CCSER2: variants seen among roughly 807,000 people sequenced by gnomAD.
The protein encoded by CCSER2 is serine-rich coiled-coil domain-containing protein 2.
In CCSER2, 46 loss-of-function variants were observed where a neutral mutation model predicts 92.3. That is an observed-to-expected ratio of 0.50 (90% CI 0.39 to 0.64). CCSER2 has a LOEUF of 0.64. CCSER2 is among the 30% of genes least tolerant of loss of function. CCSER2 has a pLI of 0.00. For missense variants in CCSER2, 1,244 were observed against 1,238.9 expected (o/e 1.00, Z -0.06); for synonymous variants, 433 against 431.4 (o/e 1.00, Z -0.04).
intron 8 of CCSER2, among the ~76,000 whole-genome samples, chr10:84,476,706 G>A (rs1296791879): frequency 1.3e-5 from 2 of 152,102 alleles, no homozygotes; most frequent in Non-Finnish European, 2.9e-5. Context: ...GCCTCCCAAA[G>A]TGCTGGGATT....
At chr10:84,389,503 C>A in intron 3 of CCSER2, 1 of 288,062 alleles carries the variant, frequency 3.5e-6, no homozygotes, top group Non-Finnish European at 6.9e-6. Context: ...TCAGATCCTT[C>A]GAGGTACTGG....
intron 6 of CCSER2, among the ~76,000 whole-genome samples, chr10:84,439,535 A>G (rs939584648): frequency 1.3e-5 from 2 of 152,214 alleles, no homozygotes; most frequent in Non-Finnish European, 2.9e-5. Context: ...CAAAACATGC[A>G]GTATATGCAC....
intron 3 of CCSER2, among the ~76,000 whole-genome samples, chr10:84,416,689 G>A (rs1198351951): frequency 2.0e-5 from 3 of 152,090 alleles, no homozygotes; most frequent in Admixed American, 6.6e-5. Context: ...AGCACTTTGG[G>A]AGGCCGAGGC....
intron 9 of CCSER2, 90 bp downstream of exon 9, chr10:84,477,754 T>C: frequency 1.4e-6 from 1 of 726,928 alleles, no homozygotes; most frequent in South Asian, 1.8e-5. Flanking sequence ...CTAATGATTT[T>C]GAATCTGTCA....
intron 3 of CCSER2, among the ~76,000 whole-genome samples, chr10:84,376,263 A>G (rs1846333628): frequency 6.6e-6 from 1 of 152,136 alleles, no homozygotes; most frequent in Non-Finnish European, 1.5e-5. Flanking sequence ...GTACAGTAAA[A>G]TGCACAAATC....
intron 4 of CCSER2, among the ~76,000 whole-genome samples, chr10:84,422,110 A>G (rs1226015541): frequency 6.6e-6 from 1 of 152,098 alleles, no homozygotes. Context: ...TGCCTTGGGG[A>G]GAGGAATTCT....
chr10:84,483,965 A>ATATATATATATATATATATATATC (rs1847625461), intron 9 of CCSER2, among the ~76,000 whole-genome samples: 1 of 23,588 alleles, frequency 4.2e-5, no homozygotes, highest in Non-Finnish European at 7.9e-5. Context: ...ATATATATAT[A>ATATATATATATATATATATATATC]TATATATATA....
At chr10:84,437,333 A>G (rs1393889390) in intron 5 of CCSER2, among the ~76,000 whole-genome samples, 1 of 152,188 alleles carries the variant, frequency 6.6e-6, no homozygotes, top group Non-Finnish European at 1.5e-5. Context: ...AGCCTGGCCA[A>G]CATGGTGAAA....
intron 5 of CCSER2, among the ~76,000 whole-genome samples, chr10:84,431,552 G>A (rs568043166): frequency 3.5e-4 from 53 of 152,190 alleles, no homozygotes; most frequent in African/African-American, 1.3e-3. Flanking sequence ...AACAGCCTGG[G>A]CACATATTGA....
chr10:84,420,144 G>A (rs1843068481), intron 4 of CCSER2, among the ~76,000 whole-genome samples: 1 of 152,162 alleles, frequency 6.6e-6, no homozygotes, highest in East Asian at 1.9e-4. Context: ...TAGAAAGAAA[G>A]GATCTTAGAG....
At chr10:84,475,768 T>C (rs920948409) in intron 8 of CCSER2, among the ~76,000 whole-genome samples, 3 of 152,178 alleles carry the variant, frequency 2.0e-5, no homozygotes, top group Non-Finnish European at 4.4e-5. Context: ...ACCCCTCATA[T>C]ATGTTAAAAG....
chr10:84,418,539 G>T (rs1383242516), intron 4 of CCSER2, among the ~76,000 whole-genome samples: 1 of 152,180 alleles, frequency 6.6e-6, no homozygotes, highest in African/African-American at 2.4e-5. Flanking sequence ...AGAAATCTGA[G>T]AATTTCCTGT....
At position 84,463,938 on chromosome 10, in the gene CCSER2, T is replaced by C. The variant is rs754874415; in HGVS notation, c.2070T>C (p.Asp690=). Residue 690 remains aspartate, a synonymous_variant, in exon 7 of 10, where the codon GAT becomes GAC. Transcript: ENST00000372088. ...LKLKRLLHQH[D]GSGSLHDIQL... is the part of the protein sequence containing the mutation. ...TCTTCCCTTCTTTCTGACAGCATGA[T>C]GGAAGTGGTTCATTGCATGATATTC... The C allele has an allele frequency of 6.2e-7, 1 of 1,603,670 alleles. No homozygotes were observed.
At position 84,373,824 on chromosome 10, in the gene CCSER2, G is replaced by T. The variant is rs771749121; in HGVS notation, c.1614+9G>T. 24 of 1,613,262 alleles carry T rather than the reference G, an allele frequency of 1.5e-5. No homozygotes were observed. Among genetic ancestry groups the T allele is most frequent in the Non-Finnish European group, 1.9e-5 (23 of 1,179,654 alleles). On this transcript the variant is annotated intron_variant, in intron 3 of 9. Coordinates refer to ENST00000372088, the MANE Select transcript of CCSER2 (RefSeq NM_001284240.2). ...CTGAAATGAACAGCATAGTATGTAT[G>T]GATTTATATACTCTTGGAATATTTT...
chr10:84,363,484 T>A (rs1483533235), intron 1 of CCSER2, among the ~76,000 whole-genome samples: 3 of 152,198 alleles, frequency 2.0e-5, no homozygotes, highest in Non-Finnish European at 2.9e-5. Flanking sequence ...ACGTGTGTAG[T>A]CATCAGTATT....
intron 9 of CCSER2, among the ~76,000 whole-genome samples, chr10:84,494,977 CTTT>C (rs770775993): frequency 1.2e-4 from 15 of 122,646 alleles, no homozygotes; most frequent in African/African-American, 3.8e-4. Context: ...CTGATGTCTG[CTTT>C]TTTTTTTTTT....
intron 3 of CCSER2, among the ~76,000 whole-genome samples, chr10:84,387,082 C>CA (rs562126348): frequency 2.6e-5 from 4 of 151,242 alleles, no homozygotes; most frequent in South Asian, 2.1e-4. Flanking sequence ...AATCTAAAAT[C>CA]AAAAAAAAAT....
rs139229573 is a variant in CCSER2, at chr10:84,463,947, T to C, written c.2079T>C (p.Gly693=). 8 of 1,608,284 alleles carry C rather than the reference T, an allele frequency of 5.0e-6. No individual in the cohort carries two copies. The African/African-American group carries it at 1.1e-4, about 21-fold the overall frequency. ...KRLLHQHDGS[G]SLHDIQLSLP... Reference sequence around the variant, plus strand: ...CTTTCTGACAGCATGATGGAAGTGGTTCATTGCATGATATTCAACTGTCAT... The same window carrying C: ...CTTTCTGACAGCATGATGGAAGTGGCTCATTGCATGATATTCAACTGTCAT... Residue 693 remains glycine (G), a synonymous_variant, in exon 7 of 10, where the codon GGT becomes GGC. Transcript: ENST00000372088.
chr10:84,387,708 T>G (rs1841297993), intron 3 of CCSER2, among the ~76,000 whole-genome samples: 1 of 151,930 alleles, frequency 6.6e-6, no homozygotes, highest in African/African-American at 2.4e-5. Context: ...TTTTGTATTT[T>G]TAGTAGAGAC....
Sources: allele counts gnomAD v4.1 joint callset (sites outside exome capture counted in the v4.1 genomes callset), GRCh38; gene constraint gnomAD v4.1.1; transcripts MANE v1.5; gene names NCBI Gene and HGNC (gene_info 2026-07-23, HGNC 2026-07-21).